The following EYS variants were observed in gnomAD, a reference collection of about 807,000 sequenced individuals.
The protein encoded by EYS is EGF-like photoreceptor maintenance factor.
A neutral mutation model predicts 282.1 loss-of-function variants in EYS; 250 were observed. That is an observed-to-expected ratio of 0.89 (90% CI 0.80 to 0.98). EYS has a LOEUF of 0.98. Among genes scored for constraint, EYS ranks in the 50% least tolerant of loss-of-function variants. EYS has a pLI of 0.00. For missense variants in EYS, 4,016 were observed against 3,709.0 expected, an observed-to-expected ratio of 1.08 and a Z score of -2.15; for synonymous variants, 1,355 against 1,282.9, an observed-to-expected ratio of 1.06 and a Z score of -1.20.
At chr6:64,177,786 A>G (rs1764679333) in intron 31 of EYS, among the ~76,000 whole-genome samples, 1 of 152,142 alleles carries the variant, frequency 6.6e-6, no homozygotes, top group Non-Finnish European at 1.5e-5. Flanking sequence ...TTTAGATGCA[A>G]TTAAAGAGTC....
At chr6:63,770,757 A>T (rs941951422) in intron 40 of EYS, among the ~76,000 whole-genome samples, 40 of 152,132 alleles carry the variant, frequency 2.6e-4, no homozygotes, top group African/African-American at 9.7e-4. Context: ...AATTTGCTGG[A>T]TTTTAAATGA....
chr6:64,636,694 A>G (rs1767993118), intron 22 of EYS, among the ~76,000 whole-genome samples: 1 of 152,168 alleles, frequency 6.6e-6, no homozygotes, highest in Non-Finnish European at 1.5e-5. Flanking sequence ...TACTCATCTG[A>G]CAAAGGGCTA....
At chr6:64,994,273 C>G (rs944942932) in intron 14 of EYS, among the ~76,000 whole-genome samples, 6 of 152,012 alleles carry the variant, frequency 3.9e-5, no homozygotes, top group African/African-American at 7.2e-5. Flanking sequence ...AAAACTGGCT[C>G]ATTGTTACAA....
At chr6:65,494,174 AG>A (rs1291523254) in intron 4 of EYS, among the ~76,000 whole-genome samples, 2 of 152,108 alleles carry the variant, frequency 1.3e-5, no homozygotes, top group Non-Finnish European at 2.9e-5. Context: ...CTTATTTTGG[AG>A]GATCCCTGAT....
At chr6:64,255,645 CTATAT>C (rs1411696103) in intron 30 of EYS, among the ~76,000 whole-genome samples, 17 of 152,062 alleles carry the variant, frequency 1.1e-4, no homozygotes, top group East Asian at 1.9e-4. Context: ...AAAATCATTA[CTATAT>C]TATAAGAATT....
intron 12 of EYS, among the ~76,000 whole-genome samples, chr6:65,093,773 C>T (rs1774641976): frequency 6.6e-6 from 1 of 151,624 alleles, no homozygotes; most frequent in Admixed American, 6.6e-5. Context: ...TAAAAGTCCT[C>T]ACTTACAATA....
At chr6:64,068,746 C>T (rs147175704) in intron 32 of EYS, among the ~76,000 whole-genome samples, 361 of 152,182 alleles carry the variant, frequency 2.4e-3, no homozygotes, top group African/African-American at 8.2e-3. Flanking sequence ...TTAAGTTCTA[C>T]ACTCTACCTA....
chr6:65,663,064 A>C (rs1377964283), intron 1 of EYS, among the ~76,000 whole-genome samples: 1 of 152,216 alleles, frequency 6.6e-6, no homozygotes, highest in Non-Finnish European at 1.5e-5. Context: ...TTGACAGCTC[A>C]AAGAAGCAGC....
intron 36 of EYS, among the ~76,000 whole-genome samples, chr6:63,851,454 G>C (rs1012997112): frequency 6.6e-6 from 1 of 152,092 alleles, no homozygotes; most frequent in Non-Finnish European, 1.5e-5. Flanking sequence ...CAGAAGAATG[G>C]AAATCATAAC....
intron 26 of EYS, among the ~76,000 whole-genome samples, chr6:64,589,890 G>C (rs1201841461): frequency 6.6e-6 from 1 of 152,018 alleles, no homozygotes; most frequent in African/African-American, 2.4e-5. Flanking sequence ...ACCTGACAAA[G>C]AAGCTATTTC....
In EYS at chr6:64,902,250, TA is replaced by T. The variant is rs1291830899; in HGVS notation, c.2739-31del. On this transcript the variant is annotated intron_variant, in intron 17 of 42. Coordinates refer to ENST00000503581, the MANE Select transcript of EYS (RefSeq NM_001142800.2). ...TAAACAAAAAATTTAGTAACTCCAT[TA>T]GTATATATGTATAAAATCAATGCTT... The T allele has an allele frequency of 2.1e-6, 3 of 1,449,922 alleles. No individual in the cohort carries two copies. The East Asian group carries it at 7.4e-5, about 36-fold the overall frequency. 89.8% of individuals were successfully genotyped at this position (1,449,922 alleles called of 1,614,324 possible). A position where few individuals can be genotyped will look rare whatever the true frequency, so the allele number is the denominator to read the frequency against.
At chr6:64,620,303 C>G (rs569131545) in intron 23 of EYS, among the ~76,000 whole-genome samples, 5 of 152,248 alleles carry the variant, frequency 3.3e-5, no homozygotes, top group African/African-American at 9.6e-5. Flanking sequence ...CAGGCAGCTG[C>G]CGTTTCAATG....
chr6:64,436,870 A>G (rs1343801672), intron 27 of EYS, among the ~76,000 whole-genome samples: 1 of 151,760 alleles, frequency 6.6e-6, no homozygotes, highest in Non-Finnish European at 1.5e-5. Context: ...TAAGCTTCTT[A>G]GCAAGCATGT....
chr6:65,082,952 C>T (rs755246159), intron 12 of EYS, among the ~76,000 whole-genome samples: 18 of 151,940 alleles, frequency 1.2e-4, no homozygotes, highest in Admixed American at 8.5e-4. Context: ...TAAAAGAATG[C>T]AGATGGGGTT....
rs182221284 is a variant in EYS, at chr6:65,463,824, G to A, written c.862+26770C>T. Among the ~76,000 whole-genome samples the A allele has an allele frequency of 6.6e-5, 10 of 152,218 alleles. No homozygotes were observed. In the East Asian group the frequency reaches 1.5e-3, roughly 24 times the overall value. ...TAGTGTTCCATTATTGGAGTGCTAA[G>A]CATGTGGGAGTTATTTGTATTCTAT... On this transcript the variant is annotated intron_variant, in intron 5 of 42. Coordinates refer to ENST00000503581, the MANE Select transcript of EYS (RefSeq NM_001142800.2).
chr6:63,998,821 A>G (rs1468298150), intron 34 of EYS, among the ~76,000 whole-genome samples: 1 of 150,718 alleles, frequency 6.6e-6, no homozygotes, highest in Non-Finnish European at 1.5e-5. Flanking sequence ...GTCAAGCACA[A>G]TGTATTAAAT....
intron 35 of EYS, among the ~76,000 whole-genome samples, chr6:63,875,049 CA>C (rs1328714251): frequency 1.3e-5 from 2 of 152,074 alleles, no homozygotes; most frequent in African/African-American, 4.8e-5. Context: ...TGTCTTGTGC[CA>C]GTTTTCAAAG....
chr6:65,491,270 T>TACACAC (rs57650145), intron 4 of EYS: 10,328 of 169,976 alleles, frequency 0.061, 362 homozygotes, highest in East Asian at 0.13. Flanking sequence ...ATCAGTTATA[T>TACACAC]ACACACACAC....
intron 31 of EYS, among the ~76,000 whole-genome samples, chr6:64,159,200 C>T (rs1180594362): frequency 6.6e-6 from 1 of 152,060 alleles, no homozygotes; most frequent in African/African-American, 2.4e-5. Flanking sequence ...ATTATAATAC[C>T]TAATACAATG....
Sources: gnomAD v4.1 joint callset for allele counts (sites outside exome capture counted in the v4.1 genomes callset) on GRCh38, gnomAD v4.1.1 for gene constraint, MANE v1.5 for transcripts, NCBI Gene and HGNC (gene_info 2026-07-23, HGNC 2026-07-21) for gene names.